ASTN2: variants seen among roughly 807,000 people sequenced by gnomAD.
ASTN2 encodes the protein astrotactin 2, also known as astrotactin-2.
In ASTN2, 54 loss-of-function variants were observed where a neutral mutation model predicts 139.8. The ratio of observed to expected loss-of-function variants is 0.39; its 90% confidence interval spans 0.31 to 0.48. The LOEUF is 0.48. Among genes scored for constraint, ASTN2 ranks in the 20% least tolerant of loss-of-function variants. The pLI, the probability that ASTN2 is intolerant of heterozygous loss-of-function variation, is 0.95. For missense variants in ASTN2, 1,565 were observed against 1,725.1 expected (o/e 0.91, Z 1.64); for synonymous variants, 756 against 719.5 (o/e 1.05, Z -0.81).
chr9:116,717,827 T>G (rs1282188643), intron 16 of ASTN2, among the ~76,000 whole-genome samples: 1 of 152,220 alleles, frequency 6.6e-6, no homozygotes, highest in African/African-American at 2.4e-5. Flanking sequence ...AAGAAAGCTA[T>G]GGAGACTTTC....
intron 7 of ASTN2, among the ~76,000 whole-genome samples, chr9:116,981,522 A>G (rs1340025665): frequency 5.9e-5 from 9 of 152,252 alleles, no homozygotes; most frequent in Admixed American, 5.2e-4. Context: ...TTCATTATTC[A>G]GAAGAGGAAA....
intron 1 of ASTN2, among the ~76,000 whole-genome samples, chr9:117,395,556 C>CA (rs776168187): frequency 1.1e-4 from 16 of 152,294 alleles, no homozygotes; most frequent in Non-Finnish European, 2.4e-4. Flanking sequence ...CCAGTGGAGA[C>CA]AAAAGAACTC....
Position 117,120,049 on chromosome 9 carries a change from T to TATATATATAC in ASTN2, c.1168+21276_1168+21277insGTATATATAT, listed in dbSNP as rs1433485798. ...ATATATATATATATATATATATATA[T>TATATATATAC]ACCCTGAGTATATATACTCAGAGAT... On this transcript the variant is annotated intron_variant, in intron 4 of 22. Coordinates refer to ENST00000313400, the MANE Select transcript of ASTN2 (RefSeq NM_001365068.1). Among the ~76,000 whole-genome samples the TATATATATAC allele has an allele frequency of 3.5e-4, 45 of 129,348 alleles. 1 individual carries two copies. The highest frequency in any genetic ancestry group is 1.4e-3 in the African/African-American group (43 of 31,778). The allele number at this position is 129,348 out of a possible 152,430, so 84.9% of individuals were successfully genotyped here. A position where few individuals can be genotyped will look rare whatever the true frequency, so the allele number is the denominator to read the frequency against.
chr9:116,489,279 G>A (rs1197344888), intron 19 of ASTN2, among the ~76,000 whole-genome samples: 1 of 151,914 alleles, frequency 6.6e-6, no homozygotes, highest in African/African-American at 2.4e-5. Flanking sequence ...ATCACTTCCT[G>A]TTGGTCTTTC....
chr9:116,724,950 G>C (rs988444586), intron 16 of ASTN2, among the ~76,000 whole-genome samples: 3 of 152,188 alleles, frequency 2.0e-5, no homozygotes. Flanking sequence ...ATGAGTACTT[G>C]ATGTGGCATA....
At chr9:116,592,986 T>A (rs1047093830) in intron 19 of ASTN2, among the ~76,000 whole-genome samples, 4 of 152,240 alleles carry the variant, frequency 2.6e-5, no homozygotes, top group Non-Finnish European at 5.9e-5. Flanking sequence ...ATGATTAACA[T>A]TAATATCTGC....
intron 17 of ASTN2, among the ~76,000 whole-genome samples, chr9:116,634,521 C>T (rs1257357113): frequency 7.1e-6 from 1 of 140,284 alleles, no homozygotes; most frequent in African/African-American, 2.7e-5. Flanking sequence ...ACCCGGGAGG[C>T]GGAGCTTGCA....
intron 11 of ASTN2, among the ~76,000 whole-genome samples, chr9:116,828,784 T>C (rs1273284435): frequency 1.3e-5 from 2 of 152,134 alleles, no homozygotes. Flanking sequence ...TTGCTGATAG[T>C]ATTGTCTTAT....
chr9:117,106,341 G>C (rs10759899), intron 4 of ASTN2, among the ~76,000 whole-genome samples: 79,358 of 151,142 alleles, frequency 0.53, 21,643 homozygotes, highest in African/African-American at 0.71. Flanking sequence ...ATTCTTGTGC[G>C]TCAGCCCCTT....
chr9:116,567,579 A>C (rs1853298135), intron 19 of ASTN2, among the ~76,000 whole-genome samples: 2 of 152,186 alleles, frequency 1.3e-5, no homozygotes, highest in African/African-American at 4.8e-5. Context: ...TTGTGACATC[A>C]AAATGGCCTT....
rs745782417 is a variant in ASTN2, at chr9:117,141,486, G to C, written c.1016-8C>G. On this transcript the variant is annotated splice_region_variant and splice_polypyrimidine_tract_variant and intron_variant, in intron 3 of 22. Transcript: ENST00000313400. ...GAGTCGCCTCAGCTGCTGCTATAAG[G>C]TAGCAATGGGGCTGAGGTTAGGGCT... 6 of 1,366,222 alleles carry C rather than the reference G, an allele frequency of 4.4e-6. No homozygotes were observed. Among genetic ancestry groups the C allele is most frequent in the Non-Finnish European group, 5.9e-6 (6 of 1,021,714 alleles). The allele number at this position is 1,366,222 out of a possible 1,614,324, so 84.6% of individuals were successfully genotyped here.
intron 4 of ASTN2, among the ~76,000 whole-genome samples, chr9:117,116,122 T>A (rs1298482463): frequency 6.6e-6 from 1 of 151,740 alleles, no homozygotes; most frequent in Non-Finnish European, 1.5e-5. Context: ...GAATGAAGTA[T>A]AATAAGGCTA....
chr9:117,114,505 A>G (rs1004432504), intron 4 of ASTN2, among the ~76,000 whole-genome samples: 1 of 152,224 alleles, frequency 6.6e-6, no homozygotes, highest in Non-Finnish European at 1.5e-5. Context: ...TGTATATTCA[A>G]AATTCATGTT....
Position 116,742,237 on chromosome 9 carries a change from G to A in ASTN2, c.2397-8714C>T, listed in dbSNP as rs368434940. Among the ~76,000 whole-genome samples the A allele has an allele frequency of 3.3e-5, 5 of 152,346 alleles. No individual in the cohort carries two copies. In the East Asian group the frequency reaches 5.8e-4, roughly 18 times the overall value. On this transcript the variant is annotated intron_variant, in intron 13 of 22. Transcript: ENST00000313400. ...TCAAAACCCAGCCTGTGCTGAGGGC[G>A]AAGTTCCCTTCTCTATCAAAAGACA...
rs1461360106 is a variant in ASTN2, at chr9:116,546,713, A to AG, written c.3356-59214dup. On this transcript the variant is annotated intron_variant, in intron 19 of 22. Coordinates refer to ENST00000313400, the MANE Select transcript of ASTN2 (RefSeq NM_001365068.1). The stretch of plus-strand genomic sequence containing the variant: ...GTATATAAAGAGGTAAATAGCATCT[A>AG]GGGTCATGAGTCCTATACCAGAGAT... 3.3e-5 allele frequency: 5 copies of AG among 152,338 alleles called. No homozygotes were observed. In the East Asian group the frequency reaches 9.7e-4, roughly 29 times the overall value. 9.4% of individuals were successfully genotyped at this position (152,338 alleles called of 1,614,324 possible). A position where few individuals can be genotyped will look rare whatever the true frequency, so the allele number is the denominator to read the frequency against.
At chr9:117,313,163 C>T (rs1267471764) in intron 1 of ASTN2, among the ~76,000 whole-genome samples, 1 of 152,220 alleles carries the variant, frequency 6.6e-6, no homozygotes, top group African/African-American at 2.4e-5. Flanking sequence ...CTCCTCTGCC[C>T]TCACTACCTG....
intron 19 of ASTN2, among the ~76,000 whole-genome samples, chr9:116,499,094 C>T (rs574084060): frequency 4.7e-4 from 72 of 152,270 alleles, no homozygotes; most frequent in African/African-American, 1.7e-3. Flanking sequence ...TCCAAACTGC[C>T]CACTCTCAGT....
At chr9:117,291,558 C>A in intron 1 of ASTN2, 45 bp from the exon 2 acceptor site, 1 of 1,528,302 alleles carries the variant, frequency 6.5e-7, no homozygotes, top group Non-Finnish European at 8.8e-7. Context: ...TACGCCTGGC[C>A]TTGGTGCTCC....
chr9:116,727,416 C>T (rs1012240921), intron 15 of ASTN2, among the ~76,000 whole-genome samples: 7 of 152,168 alleles, frequency 4.6e-5, no homozygotes, highest in African/African-American at 1.7e-4. Context: ...ATTTGATTGA[C>T]AAAAGGGTTT....
Sources: allele counts gnomAD v4.1 joint callset (sites outside exome capture counted in the v4.1 genomes callset), GRCh38; gene constraint gnomAD v4.1.1; transcripts MANE v1.5; gene names NCBI Gene and HGNC (gene_info 2026-07-23, HGNC 2026-07-21).